The following GDNF variants were observed in gnomAD, a reference collection of about 807,000 sequenced individuals.
GDNF encodes glial cell derived neurotrophic factor, also known as glial cell line-derived neurotrophic factor.
A neutral mutation model predicts 13.7 loss-of-function variants in GDNF; 5 were observed. The ratio of observed to expected loss-of-function variants is 0.36; its 90% CI spans 0.19 to 0.77. GDNF has a LOEUF of 0.77. Among genes scored for constraint, GDNF ranks in the 30% least tolerant of loss-of-function variants. The pLI is 0.51. For missense variants in GDNF, 246 were observed against 274.3 expected, an observed-to-expected ratio of 0.90 and a Z score of 0.73; for synonymous variants, 122 against 112.5, an observed-to-expected ratio of 1.08 and a Z score of -0.53.
Position 37,815,818 on chromosome 5 carries a change from C to A in GDNF, c.469G>T (p.Asp157Tyr). The A allele has an allele frequency of 1.9e-6, 3 of 1,614,124 alleles. No homozygotes were observed. The highest frequency in any genetic ancestry group is 2.5e-6 in the Non-Finnish European group (3 of 1,180,004). ...CTGGATAAGTTTTTCAATATTTTGT[C>A]GTACGTTGTCTCAGCTGCATCGCAA... ...GSCDAAETTY[D>Y]KILKNLSRNR... Residue 157 changes from aspartate to tyrosine, a missense_variant, in exon 3 of 3, where the codon GAC becomes TAC. Transcript: ENST00000326524. This position sits in a 1 kb window ranked among gnomAD's most constrained non-coding sequence, Gnocchi z 5.0.
chr5:37,824,262 T>C (rs1278477025), intron 2 of GDNF: 1 of 152,656 alleles, frequency 6.6e-6, no homozygotes, highest in Non-Finnish European at 1.5e-5. Context: ...TCCTTCAGTC[T>C]CCATCACCCA....
chr5:37,828,248 C>T (rs1470964834), intron 2 of GDNF, among the ~76,000 whole-genome samples: 1 of 152,226 alleles, frequency 6.6e-6, no homozygotes, highest in Non-Finnish European at 1.5e-5. Flanking sequence ...CTACCAAGCA[C>T]TTGAGGAGAC....
chr5:37,830,710 C>G (rs1232110637), intron 2 of GDNF, among the ~76,000 whole-genome samples: 1 of 152,188 alleles, frequency 6.6e-6, no homozygotes, highest in African/African-American at 2.4e-5. Context: ...AGAGGCTTTA[C>G]AAAGCAATAT....
rs75310213 is a variant in GDNF at position 37,838,309 on chromosome 5, C to A, written c.-27+1198G>T. Among the ~76,000 whole-genome samples the A allele has an allele frequency of 6.6e-6, 1 of 152,184 alleles. No homozygotes were observed. The highest frequency in any genetic ancestry group is 2.4e-5 in the African/African-American group (1 of 41,426). Reference sequence around the variant, plus strand: ...TTGTTACTTGTTGAAAAGGCGCCACCTTCCCTGACAAAGCGAAGGCGCAGC... The same window carrying A: ...TTGTTACTTGTTGAAAAGGCGCCACATTCCCTGACAAAGCGAAGGCGCAGC... On this transcript the variant is annotated intron_variant, in intron 1 of 2. Transcript: ENST00000326524. This position sits in a 1 kb window ranked among gnomAD's most constrained non-coding sequence, Gnocchi z 4.1.
chr5:37,817,437 T>C (rs569773932), intron 2 of GDNF, among the ~76,000 whole-genome samples: 125 of 152,094 alleles, frequency 8.2e-4, no homozygotes, highest in African/African-American at 2.9e-3. Flanking sequence ...TCAGCAAGAG[T>C]AAATGTTTTT....
chr5:37,835,332 C>T, intron 1 of GDNF: 1 of 692,702 alleles, frequency 1.4e-6, no homozygotes, highest in Non-Finnish European at 2.2e-6. Flanking sequence ...AAGCGCATTC[C>T]CCTGCCTCGG....
At chr5:37,826,414 A>G (rs760490395) in intron 2 of GDNF, among the ~76,000 whole-genome samples, 2 of 152,182 alleles carry the variant, frequency 1.3e-5, no homozygotes, top group Non-Finnish European at 2.9e-5. Flanking sequence ...GGATCCAGAC[A>G]CTGGTCCCTA....
At chr5:37,816,841 A>G (rs1749949014) in intron 2 of GDNF, among the ~76,000 whole-genome samples, 1 of 152,228 alleles carries the variant, frequency 6.6e-6, no homozygotes, top group African/African-American at 2.4e-5. Context: ...AGAGCTCAGG[A>G]ATGCAACTAT....
chr5:37,820,852 G>A (rs921222229), intron 2 of GDNF, among the ~76,000 whole-genome samples: 1 of 152,078 alleles, frequency 6.6e-6, no homozygotes, highest in Non-Finnish European at 1.5e-5. Context: ...TGTTGCTAAT[G>A]TGGAAATATT....
chr5:37,821,906 G>T (rs1467167625), intron 2 of GDNF, among the ~76,000 whole-genome samples: 1 of 152,180 alleles, frequency 6.6e-6, no homozygotes, highest in Non-Finnish European at 1.5e-5. Context: ...TGGCAAGAGT[G>T]GACAAAGTCT....
In GDNF at chr5:37,814,329, T is replaced by A. The variant is rs1288695271; in HGVS notation, c.*1322A>T. 1 of 152,316 alleles carries A rather than the reference T, an allele frequency of 6.6e-6. No individual in the cohort carries two copies. The highest frequency in any genetic ancestry group is 2.4e-5 in the African/African-American group (1 of 41,446). The allele number at this position is 152,316 out of a possible 1,614,324, so 9.4% of individuals were successfully genotyped here. The stretch of plus-strand genomic sequence containing the variant: ...ACAACAGGAAGTGGAGCCCACGACA[T>A]TTCTGTTCAGCAATGGAGCAAGGAA... On this transcript the variant is annotated 3_prime_UTR_variant, in exon 3 of 3. Coordinates refer to ENST00000326524, the MANE Select transcript of GDNF (RefSeq NM_000514.4).
chr5:37,834,633 G>T lies in GDNF; in HGVS notation c.151+13C>A, dbSNP rs1266575996. The T allele has an allele frequency of 2.0e-6, 3 of 1,526,684 alleles. No individual in the cohort carries two copies. In the East Asian group the frequency reaches 7.4e-5, roughly 38 times the overall value. The allele number at this position is 1,526,684 out of a possible 1,614,324, so 94.6% of individuals were successfully genotyped here. A position where few individuals can be genotyped will look rare whatever the true frequency, so the allele number is the denominator to read the frequency against. On this transcript the variant is annotated intron_variant, in intron 2 of 2. Transcript: ENST00000326524. ...CGCCGGCGGCCCCCCCGCGGGGAGG[G>T]AACGGTTCTTACAGTCACTGCTCAG...
At chr5:37,821,060 T>C (rs1009407189) in intron 2 of GDNF, among the ~76,000 whole-genome samples, 1 of 152,226 alleles carries the variant, frequency 6.6e-6, no homozygotes, top group Admixed American at 6.5e-5. Context: ...TCCGACTAAA[T>C]GAGTTCATTC....
rs929461891 is a variant in GDNF at position 37,812,867 on chromosome 5, C to T, written c.*2784G>A. ...GATAAAGAAAAATCACAAACTTTAC[C>T]CTTTTGTGGATTTGGTGGAGCAACT... On this transcript the variant is annotated 3_prime_UTR_variant, in exon 3 of 3. Transcript: ENST00000326524. 1 of 152,092 alleles carries T rather than the reference C, an allele frequency of 6.6e-6. No homozygotes were observed. Among genetic ancestry groups the T allele is most frequent in the African/African-American group, 2.4e-5 (1 of 41,408 alleles). 9.4% of individuals were successfully genotyped at this position (152,092 alleles called of 1,614,324 possible).
chr5:37,829,905 T>G (rs1490013376), intron 2 of GDNF, among the ~76,000 whole-genome samples: 2 of 151,782 alleles, frequency 1.3e-5, no homozygotes, highest in Non-Finnish European at 2.9e-5. Flanking sequence ...CCTACAAGAG[T>G]CTGATGTGCA....
intron 2 of GDNF, among the ~76,000 whole-genome samples, chr5:37,832,901 A>G (rs1398312732): frequency 6.6e-6 from 1 of 152,210 alleles, no homozygotes; most frequent in African/African-American, 2.4e-5. Context: ...ATCTCTTCTT[A>G]GGAGATTCTT....
intron 2 of GDNF, among the ~76,000 whole-genome samples, chr5:37,826,588 C>T (rs1260865643): frequency 6.6e-6 from 1 of 152,168 alleles, no homozygotes; most frequent in African/African-American, 2.4e-5. Flanking sequence ...GTCAGCAGAC[C>T]CCAGAGCCCA....
chr5:37,836,903 CAA>C, intron 1 of GDNF, among the ~76,000 whole-genome samples: 1 of 152,318 alleles, frequency 6.6e-6, no homozygotes, highest in East Asian at 1.9e-4. Flanking sequence ...GCGAAGCTGG[CAA>C]AAGACTACAC....
intron 2 of GDNF, among the ~76,000 whole-genome samples, chr5:37,829,442 T>TA (rs778357586): frequency 6.6e-6 from 1 of 152,238 alleles, no homozygotes; most frequent in Non-Finnish European, 1.5e-5. Context: ...ACTGACATTC[T>TA]ATTCATCCAT....
Sources: allele counts gnomAD v4.1 joint callset (sites outside exome capture counted in the v4.1 genomes callset), GRCh38; gene constraint gnomAD v4.1.1; non-coding constraint Gnocchi (gnomAD v3.1); transcripts MANE v1.5; gene names NCBI Gene and HGNC (gene_info 2026-07-23, HGNC 2026-07-21).